Variants in ERC2 observed in about 807,000 individuals in gnomAD.
ERC2 encodes ELKS/RAB6-interacting/CAST family member 2.
ERC2 carries 42 observed loss-of-function variants against 114.8 expected under a neutral mutation model. The observed-to-expected ratio is 0.37, with a 90% CI of 0.29 to 0.47. ERC2 has a LOEUF of 0.47. ERC2 is among the 20% of genes least tolerant of loss of function. The pLI, the probability that ERC2 is intolerant of heterozygous loss-of-function variation, is 0.99. For synonymous variants in ERC2, 454 were observed against 425.5 expected, an observed-to-expected ratio of 1.07 and a Z score of -0.82; for missense variants, 939 against 1,150.7, an observed-to-expected ratio of 0.82 and a Z score of 2.66.
chr3:56,448,069 G>A (rs1277915860), intron 1 of ERC2, among the ~76,000 whole-genome samples: 2 of 152,006 alleles, frequency 1.3e-5, no homozygotes, highest in African/African-American at 4.8e-5. Flanking sequence ...TATATAGTGA[G>A]CACACCTGTG....
intron 17 of ERC2, among the ~76,000 whole-genome samples, chr3:55,623,155 G>A (rs749596266): frequency 2.0e-5 from 3 of 152,200 alleles, no homozygotes; most frequent in Non-Finnish European, 4.4e-5. Flanking sequence ...AAGCCCCACT[G>A]CCTGGTTTGC....
rs112458495 is a variant in ERC2 at position 55,952,915 on chromosome 3, C to T, written c.2268-2355G>A. Among the ~76,000 whole-genome samples the T allele has an allele frequency of 8.3e-3, 1,257 of 152,134 alleles. 14 individuals are homozygous for T. The highest frequency in any genetic ancestry group is 0.029 in the African/African-American group (1,206 of 41,494). The stretch of plus-strand genomic sequence containing the variant: ...TCCTGAATTAAGAAAGAGTGGCGGC[C>T]GGGCACGGTGGCTCACACCTGTAAT... On this transcript the variant is annotated intron_variant, in intron 12 of 17. Transcript: ENST00000288221.
intron 14 of ERC2, among the ~76,000 whole-genome samples, chr3:55,803,428 C>T (rs906990353): frequency 2.0e-5 from 3 of 151,826 alleles, no homozygotes; most frequent in Non-Finnish European, 4.4e-5. Context: ...TTATGCTAGA[C>T]TTCTAAAACA....
intron 7 of ERC2, among the ~76,000 whole-genome samples, chr3:56,025,858 A>G (rs1179194456): frequency 1.3e-5 from 2 of 152,118 alleles, no homozygotes; most frequent in Admixed American, 6.6e-5. Flanking sequence ...TCTTTGAAAT[A>G]AAAACATGTT....
chr3:56,279,953 T>A (rs2054241027), intron 3 of ERC2, among the ~76,000 whole-genome samples: 1 of 152,208 alleles, frequency 6.6e-6, no homozygotes, highest in Non-Finnish European at 1.5e-5. Context: ...TGTGTATATG[T>A]TACTTTACAT....
At chr3:55,778,590 G>A (rs2068788325) in intron 14 of ERC2, among the ~76,000 whole-genome samples, 1 of 152,144 alleles carries the variant, frequency 6.6e-6, no homozygotes, top group Admixed American at 6.5e-5. Flanking sequence ...CTCCCTAAAT[G>A]AGCAAAGCTG....
chr3:56,434,104 C>T, intron 2 of ERC2: 1 of 496,756 alleles, frequency 2.0e-6, no homozygotes, highest in East Asian at 3.1e-5. Flanking sequence ...GACAAGTGAT[C>T]CTCCCCACCC....
chr3:55,687,848 C>T (rs949295036), intron 16 of ERC2, among the ~76,000 whole-genome samples: 3 of 152,184 alleles, frequency 2.0e-5, no homozygotes, highest in African/African-American at 7.2e-5. Context: ...TGGCCAGAGC[C>T]GGGAAAAACA....
intron 3 of ERC2, among the ~76,000 whole-genome samples, chr3:56,271,440 A>C (rs1033260701): frequency 2.0e-5 from 3 of 152,206 alleles, no homozygotes; most frequent in Non-Finnish European, 4.4e-5. Context: ...GCTTCCCAGC[A>C]GTGTGAACTT....
intron 17 of ERC2, among the ~76,000 whole-genome samples, chr3:55,514,976 T>C (rs534260712): frequency 6.6e-6 from 1 of 152,224 alleles, no homozygotes; most frequent in East Asian, 1.9e-4. Context: ...AGGAATATAA[T>C]AGTGAGAAAA....
chr3:56,112,531 A>G (rs1409424619), intron 6 of ERC2, among the ~76,000 whole-genome samples: 1 of 151,978 alleles, frequency 6.6e-6, no homozygotes, highest in Non-Finnish European at 1.5e-5. Context: ...GAGACCATCA[A>G]TTCCTCTTCA....
chr3:56,375,545 T>A (rs1046690852), intron 2 of ERC2, among the ~76,000 whole-genome samples: 1 of 152,192 alleles, frequency 6.6e-6, no homozygotes, highest in Non-Finnish European at 1.5e-5. Context: ...ACAGGCATGG[T>A]TCCTGCCCTC....
At chr3:56,118,201 T>C (rs1390607631) in intron 6 of ERC2, among the ~76,000 whole-genome samples, 2 of 152,296 alleles carry the variant, frequency 1.3e-5, no homozygotes, top group Middle Eastern at 3.4e-3. Context: ...ATAGGGACCA[T>C]GCTGAGCACA....
chr3:56,364,851 G>C (rs146860729), intron 2 of ERC2, among the ~76,000 whole-genome samples: 1 of 152,114 alleles, frequency 6.6e-6, no homozygotes, highest in African/African-American at 2.4e-5. Flanking sequence ...ATTCTTCTTC[G>C]CTGGGTGAGC....
chr3:55,904,267 A>G (rs1354924968), intron 13 of ERC2, among the ~76,000 whole-genome samples: 2 of 152,196 alleles, frequency 1.3e-5, no homozygotes, highest in Admixed American at 6.5e-5. Context: ...TAATGGCCAG[A>G]GTACCATAGG....
At chr3:56,219,857 G>T (rs1174397101) in intron 3 of ERC2, among the ~76,000 whole-genome samples, 1 of 152,072 alleles carries the variant, frequency 6.6e-6, no homozygotes, top group Non-Finnish European at 1.5e-5. Flanking sequence ...CTTTACTCCT[G>T]ATAAGTTTGG....
At chr3:55,606,127 TC>T (rs1161985567) in intron 17 of ERC2, among the ~76,000 whole-genome samples, 1 of 152,122 alleles carries the variant, frequency 6.6e-6, no homozygotes, top group Non-Finnish European at 1.5e-5. Context: ...TACTCAGAAA[TC>T]ATGATTGCAG....
chr3:55,707,476 C>G (rs1359444843), intron 15 of ERC2, among the ~76,000 whole-genome samples: 5 of 152,166 alleles, frequency 3.3e-5, no homozygotes, highest in African/African-American at 1.2e-4. Context: ...CCTTAGGAAC[C>G]TGGGGAATCC....
At chr3:56,285,500 C>G (rs1476771291) in intron 3 of ERC2, among the ~76,000 whole-genome samples, 1 of 152,118 alleles carries the variant, frequency 6.6e-6, no homozygotes, top group African/African-American at 2.4e-5. Context: ...CTACACCAAG[C>G]CAGCAACATC....
Sources: gnomAD v4.1 joint callset for allele counts (sites outside exome capture counted in the v4.1 genomes callset) on GRCh38, gnomAD v4.1.1 for gene constraint, MANE v1.5 for transcripts, NCBI Gene and HGNC (gene_info 2026-07-23, HGNC 2026-07-21) for gene names.